Variants in G2E3 observed in about 807,000 individuals in gnomAD.
G2E3 encodes G2/M phase-specific E3 ubiquitin-protein ligase.
Under a neutral mutation model 92.8 loss-of-function variants are expected in G2E3, and 35 were observed. The ratio of observed to expected loss-of-function variants is 0.38; its 90% CI spans 0.29 to 0.50. The LOEUF (loss-of-function observed/expected upper bound fraction) is 0.50. G2E3 is among the 20% of genes least tolerant of loss of function. The pLI is 0.94. For synonymous variants in G2E3, 242 were observed against 272.4 expected (o/e 0.89, Z 1.10); for missense variants, 554 against 823.8 (o/e 0.67, Z 4.01).
intron 6 of G2E3, among the ~76,000 whole-genome samples, chr14:30,594,325 T>C (rs955557512): frequency 5.9e-5 from 9 of 152,238 alleles, no homozygotes; most frequent in Non-Finnish European, 2.9e-5. Context: ...ATACTGTTTT[T>C]TAAAGTTTAT....
At chr14:30,581,206 G>A (rs1167586918) in intron 2 of G2E3, 90 bp downstream of exon 2, 1 of 744,664 alleles carries the variant, frequency 1.3e-6, no homozygotes, top group African/African-American at 1.8e-5. Flanking sequence ...TGAATTCCCT[G>A]GCACAAGCTT....
chr14:30,592,296 G>T, intron 4 of G2E3, 27 bp from the exon 5 acceptor site: 1 of 1,602,584 alleles, frequency 6.2e-7, no homozygotes, highest in South Asian at 1.1e-5. Context: ...TTTATGTTGT[G>T]ACCCCTATTT....
Position 30,608,085 on chromosome 14 carries a change from G to GT in G2E3, c.1500+19dup, listed in dbSNP as rs1302065804. 6.8e-7 allele frequency: 1 copy of GT among 1,464,326 alleles called. No homozygotes were observed. Among genetic ancestry groups the GT allele is most frequent in the South Asian group, 1.4e-5 (1 of 73,384 alleles). The allele number at this position is 1,464,326 out of a possible 1,614,324, so 90.7% of individuals were successfully genotyped here. A position where few individuals can be genotyped will look rare whatever the true frequency, so the allele number is the denominator to read the frequency against. ...TATAATCAGGGTAAGCAATGTATCT[G>GT]TTTATTAAAATGCACACTACATTCT... On this transcript the variant is annotated intron_variant, in intron 12 of 14. Transcript: ENST00000206595.
At chr14:30,615,577 AATATTTGTTTCAGC>A in intron 14 of G2E3, 38 bp downstream of exon 14, 2 of 1,274,162 alleles carry the variant, frequency 1.6e-6, no homozygotes, top group Non-Finnish European at 2.1e-6. Context: ...ACGATCTCAG[AATATTTGTTTCAGC>A]ATATTTGTTG....
intron 1 of G2E3, among the ~76,000 whole-genome samples, chr14:30,575,133 G>T (rs1462115850): frequency 1.3e-5 from 2 of 151,992 alleles, no homozygotes; most frequent in Non-Finnish European, 2.9e-5. Context: ...GGTGTGAGAT[G>T]GTATCTCATT....
intron 10 of G2E3, among the ~76,000 whole-genome samples, chr14:30,602,513 GTTA>G (rs931025762): frequency 6.6e-6 from 1 of 152,148 alleles, no homozygotes; most frequent in African/African-American, 2.4e-5. Flanking sequence ...TACTTAAAAT[GTTA>G]TTTGATTATA....
chr14:30,578,486 CAA>C (rs1182186357), intron 1 of G2E3, among the ~76,000 whole-genome samples: 3 of 152,114 alleles, frequency 2.0e-5, no homozygotes, highest in Non-Finnish European at 4.4e-5. Flanking sequence ...AGAGTGCAAA[CAA>C]GAGGGACCAC....
chr14:30,616,702 AG>A lies in G2E3; in HGVS notation c.*170del. On this transcript the variant is annotated 3_prime_UTR_variant, in exon 15 of 15. Transcript: ENST00000206595. The stretch of plus-strand genomic sequence containing the variant: ...TATTATAGCCACTTAGGCTAAAAAA[AG>A]GTTTTTTTTGTTAAAGCATACTAGT... The A allele has an allele frequency of 1.9e-6, 1 of 530,586 alleles. No individual in the cohort carries two copies. Among genetic ancestry groups the A allele is most frequent in the Non-Finnish European group, 3.2e-6 (1 of 312,928 alleles). The allele number at this position is 530,586 out of a possible 1,614,324, so 32.9% of individuals were successfully genotyped here.
intron 6 of G2E3, among the ~76,000 whole-genome samples, chr14:30,596,635 A>C (rs1204364810): frequency 6.6e-6 from 1 of 152,020 alleles, no homozygotes; most frequent in Non-Finnish European, 1.5e-5. Flanking sequence ...AGACTTAGGT[A>C]CTCCTTCTTG....
At chr14:30,607,662 A>G (rs58231764) in intron 11 of G2E3, among the ~76,000 whole-genome samples, 3,996 of 152,190 alleles carry the variant, frequency 0.026, 177 homozygotes, top group African/African-American at 0.091. Flanking sequence ...TTATGGTGGT[A>G]GGTTTATTGT....
rs896342102 is a variant in G2E3 at position 30,618,360 on chromosome 14, T to C, written c.*1826T>C. The C allele has an allele frequency of 1.3e-5, 2 of 152,132 alleles. No homozygotes were observed. 9.4% of individuals were successfully genotyped at this position (152,132 alleles called of 1,614,324 possible). On this transcript the variant is annotated 3_prime_UTR_variant, in exon 15 of 15. Coordinates refer to ENST00000206595, the MANE Select transcript of G2E3 (RefSeq NM_017769.5). Reference sequence around the variant, plus strand: ...TTCCAAATATGTTGATAAAAAGATATTTGTTTCTTTATCCACCTTATTTTT... The same window carrying C: ...TTCCAAATATGTTGATAAAAAGATACTTGTTTCTTTATCCACCTTATTTTT...
intron 1 of G2E3, among the ~76,000 whole-genome samples, chr14:30,571,861 C>T (rs1879783111): frequency 6.6e-6 from 1 of 151,462 alleles, no homozygotes; most frequent in African/African-American, 2.4e-5. Flanking sequence ...AGTTGGAGAC[C>T]ACTTTTTCTT....
chr14:30,607,896 G>A lies in G2E3; in HGVS notation c.1327G>A (p.Glu443Lys), dbSNP rs1187762002. 4 of 1,585,250 alleles carry A rather than the reference G, an allele frequency of 2.5e-6. No homozygotes were observed. The highest frequency in any genetic ancestry group is 3.5e-6 in the Non-Finnish European group (4 of 1,157,316). The change falls in exon 12 of 15, where the codon GAG becomes AAG. Residue 443 changes from glutamate (E) to lysine (K), a missense_variant. By Grantham distance (56) the Glu-to-Lys change is moderately conservative. Transcript: ENST00000206595. The stretch of plus-strand genomic sequence containing the variant: ...TTCATCTGTATTTACAGCTCTGAAA[G>A]AGAATCTTTACTATGAAGCTGGCAA... ...NLSLNSQALK[E>K]NLYYEAGKML...
chr14:30,599,976 A>G (rs1260774408), intron 8 of G2E3, among the ~76,000 whole-genome samples: 1 of 152,168 alleles, frequency 6.6e-6, no homozygotes. Context: ...GCTCTTTTCT[A>G]CAACAGTCAT....
At chr14:30,580,695 T>G (rs1332501949) in intron 1 of G2E3, among the ~76,000 whole-genome samples, 1 of 152,206 alleles carries the variant, frequency 6.6e-6, no homozygotes, top group Non-Finnish European at 1.5e-5. Flanking sequence ...GGGCTTAGGT[T>G]CTAGGTTAAT....
intron 1 of G2E3, among the ~76,000 whole-genome samples, chr14:30,580,174 C>T (rs574105229): frequency 2.6e-5 from 4 of 152,094 alleles, no homozygotes; most frequent in East Asian, 1.9e-4. Flanking sequence ...GCCACAAATA[C>T]GGTATAGACT....
At chr14:30,603,984 G>A (rs1312862698) in intron 10 of G2E3, among the ~76,000 whole-genome samples, 1 of 152,200 alleles carries the variant, frequency 6.6e-6, no homozygotes, top group African/African-American at 2.4e-5. Context: ...TGCCACTTGT[G>A]TTAGCTCTAC....
chr14:30,589,352 G>GTTTA, intron 3 of G2E3, 31 bp from the exon 4 acceptor site: 1 of 1,258,666 alleles, frequency 7.9e-7, no homozygotes. Flanking sequence ...GTTTCTTAGA[G>GTTTA]TTTATTTTCT....
intron 8 of G2E3, 67 bp from the exon 9 acceptor site, chr14:30,601,703 G>A: frequency 4.6e-6 from 7 of 1,516,242 alleles, no homozygotes; most frequent in Non-Finnish European, 6.4e-6. Flanking sequence ...AGGCCCTGTG[G>A]ACATTGCTAG....
Sources: allele counts gnomAD v4.1 joint callset (sites outside exome capture counted in the v4.1 genomes callset), GRCh38; gene constraint gnomAD v4.1.1; transcripts MANE v1.5; gene names NCBI Gene and HGNC (gene_info 2026-07-23, HGNC 2026-07-21).